The following CPXM2 variants were observed in gnomAD, a reference collection of about 807,000 sequenced individuals.
CPXM2 encodes the protein inactive carboxypeptidase-like protein X2.
Under a neutral mutation model 86.1 loss-of-function variants are expected in CPXM2, and 66 were observed. The ratio of observed to expected loss-of-function variants is 0.77; its 90% confidence interval spans 0.63 to 0.94. The LOEUF is 0.94. CPXM2 is among the 40% of genes least tolerant of loss of function. The pLI is 0.00. For synonymous variants in CPXM2, 388 were observed against 400.2 expected, an observed-to-expected ratio of 0.97 and a Z score of 0.36; for missense variants, 948 against 1,026.3, an observed-to-expected ratio of 0.92 and a Z score of 1.04.
At position 123,885,720 on chromosome 10, in the gene CPXM2, G is replaced by C. The variant is rs1945169019; in HGVS notation, c.305-5411C>G. On this transcript the variant is annotated intron_variant, in intron 1 of 13. Transcript: ENST00000241305. This position sits in a 1 kb window ranked among gnomAD's most constrained non-coding sequence, Gnocchi z 4.0. The stretch of plus-strand genomic sequence containing the variant: ...GGGCCTGAGAGGGCCACAGAGGGCA[G>C]AGCCATTGCTGGAGATGCCAAGCCT... Among the ~76,000 whole-genome samples, 1 of 152,190 alleles carries C rather than the reference G, an allele frequency of 6.6e-6. No individual in the cohort carries two copies. The highest frequency in any genetic ancestry group is 1.5e-5 in the Non-Finnish European group (1 of 68,034).
intron 4 of CPXM2, among the ~76,000 whole-genome samples, chr10:123,813,143 T>C (rs1003483008): frequency 2.0e-5 from 3 of 152,186 alleles, no homozygotes; most frequent in African/African-American, 7.2e-5. Flanking sequence ...AGATGTTTTA[T>C]AAGTAAAAAA....
At chr10:123,751,078 G>C in intron 13 of CPXM2, 1 of 984,988 alleles carries the variant, frequency 1.0e-6, no homozygotes, top group Non-Finnish European at 1.2e-6. Context: ...TGCGTGCCAA[G>C]CCTGTCCCGC....
chr10:123,928,011 G>A (rs1945638752), intron 2 of CPXM2, among the ~76,000 whole-genome samples: 1 of 152,092 alleles, frequency 6.6e-6, no homozygotes, highest in African/African-American at 2.4e-5. Context: ...GCCTATTCAT[G>A]AGTGTCAATG....
rs1206526567 is a variant in CPXM2, at chr10:123,754,513, T to C, written c.2017+150A>G. 5 of 608,680 alleles carry C rather than the reference T, an allele frequency of 8.2e-6. No individual in the cohort carries two copies. The highest frequency in any genetic ancestry group is 1.5e-5 in the Non-Finnish European group (5 of 334,134). 37.7% of individuals were successfully genotyped at this position (608,680 alleles called of 1,614,324 possible). A position where few individuals can be genotyped will look rare whatever the true frequency, so the allele number is the denominator to read the frequency against. ...TGAAAACCTCCCTTCCAAGGGTCTC[T>C]TGAAAAGTGGGAAATTTAGAGGAAG... On this transcript the variant is annotated intron_variant, in intron 13 of 13. Transcript: ENST00000241305. This position sits in a 1 kb window ranked among gnomAD's most constrained non-coding sequence, Gnocchi z 4.0.
At chr10:123,924,083 CTT>C (rs1005601625) in intron 2 of CPXM2, among the ~76,000 whole-genome samples, 1 of 152,176 alleles carries the variant, frequency 6.6e-6, no homozygotes, top group Non-Finnish European at 1.5e-5. Context: ...GAAAAACACT[CTT>C]TTTCTTTCTA....
At chr10:123,766,818 G>A (rs895505015) in intron 10 of CPXM2, among the ~76,000 whole-genome samples, 155 bp downstream of exon 10, 3 of 152,136 alleles carry the variant, frequency 2.0e-5, no homozygotes, top group Non-Finnish European at 4.4e-5. Flanking sequence ...CACCTAAAAG[G>A]TAGTTATTAT....
At position 123,754,702 on chromosome 10, in the gene CPXM2, T is replaced by C. The variant is rs756148801; in HGVS notation, c.1978A>G (p.Ile660Val). 8 of 1,610,120 alleles carry C rather than the reference T, an allele frequency of 5.0e-6. No homozygotes were observed. The South Asian group carries it at 7.7e-5, about 15-fold the overall frequency. ...TGGTTAATGCCTTCTACGGAGATAA[T>C]GGCGTTTGGGATTCCTTTTCCATGT... ...DSHGKGIPNA[I>V]ISVEGINHDI... is the part of the protein sequence containing the mutation. The change falls in exon 13 of 14, where the codon ATT becomes GTT. Residue 660 changes from isoleucine to valine, a missense_variant. Coordinates refer to ENST00000241305, the MANE Select transcript of CPXM2 (RefSeq NM_198148.3). This position sits in a 1 kb window ranked among gnomAD's most constrained non-coding sequence, Gnocchi z 4.0.
At chr10:123,805,284 A>G (rs1169025466) in intron 4 of CPXM2, among the ~76,000 whole-genome samples, 1 of 152,018 alleles carries the variant, frequency 6.6e-6, no homozygotes, top group Non-Finnish European at 1.5e-5. Flanking sequence ...TTCTTTTTAT[A>G]TAGCTTCTTG....
intron 12 of CPXM2, among the ~76,000 whole-genome samples, chr10:123,755,066 T>C (rs889666464): frequency 6.6e-6 from 1 of 152,230 alleles, no homozygotes; most frequent in African/African-American, 2.4e-5. Flanking sequence ...GATACTTTTA[T>C]AAGGGGAGGG....
chr10:123,902,581 G>A (rs932093330), intron 2 of CPXM2, among the ~76,000 whole-genome samples: 1 of 152,164 alleles, frequency 6.6e-6, no homozygotes, highest in African/African-American at 2.4e-5. Context: ...TCGGAGTCTG[G>A]TGAGGGCCCA....
intron 3 of CPXM2, among the ~76,000 whole-genome samples, chr10:123,859,087 A>T (rs1848800605): frequency 1.3e-5 from 2 of 152,182 alleles, no homozygotes; most frequent in Admixed American, 1.3e-4. Context: ...GACCACAGCC[A>T]CATCTGCGCC....
At chr10:123,806,945 T>C (rs773221934) in intron 4 of CPXM2, among the ~76,000 whole-genome samples, 1 of 152,156 alleles carries the variant, frequency 6.6e-6, no homozygotes, top group Non-Finnish European at 1.5e-5. Context: ...AAGACCAAAC[T>C]GAAATTCTAG....
Position 123,746,754 on chromosome 10 carries a change from C to T in CPXM2, c.*10G>A. The T allele has an allele frequency of 6.2e-7, 1 of 1,613,570 alleles. No individual in the cohort carries two copies. Among genetic ancestry groups the T allele is most frequent in the African/African-American group, 1.3e-5 (1 of 75,058 alleles). On this transcript the variant is annotated 3_prime_UTR_variant, in exon 14 of 14. Transcript: ENST00000241305. ...ATGGGTCCCAGACGAGTCTCAAGGG[C>T]CCAGGAGGGTCACCCACGCTGTCGT...
At chr10:123,849,437 C>CTTT (rs11317738) in intron 3 of CPXM2, among the ~76,000 whole-genome samples, 10 of 110,168 alleles carry the variant, frequency 9.1e-5, no homozygotes, top group Non-Finnish European at 1.4e-4. Flanking sequence ...AACGTTCACT[C>CTTT]TTTTTTTTTT....
chr10:123,911,760 T>A (rs1283079520), intron 2 of CPXM2, among the ~76,000 whole-genome samples: 2 of 151,976 alleles, frequency 1.3e-5, no homozygotes, highest in African/African-American at 4.8e-5. Context: ...GGGCTCTGAT[T>A]ACAGGTGCCA....
At position 123,891,673 on chromosome 10, in the gene CPXM2, C is replaced by T; in HGVS notation, c.-14G>A. On this transcript the variant is annotated 5_prime_UTR_variant, in exon 1 of 14. Transcript: ENST00000241305. This position sits in a 1 kb window ranked among gnomAD's most constrained non-coding sequence, Gnocchi z 5.6. Reference sequence around the variant, plus strand: ...CGGGCGGGACATGCCTGCTCCGCCCCGCGCCCAGGGCAGGGTCACGGTCAC... The same window carrying T: ...CGGGCGGGACATGCCTGCTCCGCCCTGCGCCCAGGGCAGGGTCACGGTCAC... The T allele has an allele frequency of 2.2e-6, 3 of 1,372,014 alleles. No homozygotes were observed. The highest frequency in any genetic ancestry group is 3.8e-5 in the Admixed American group (1 of 26,104). 85.0% of individuals were successfully genotyped at this position (1,372,014 alleles called of 1,614,324 possible). A position where few individuals can be genotyped will look rare whatever the true frequency, so the allele number is the denominator to read the frequency against.
At chr10:123,770,796 A>C (rs567596985) in intron 8 of CPXM2, 120 bp downstream of exon 8, 5 of 1,027,110 alleles carry the variant, frequency 4.9e-6, no homozygotes, top group Admixed American at 4.8e-5. Context: ...GTGAGACAGC[A>C]GTGGTGTGGA....
intron 7 of CPXM2, among the ~76,000 whole-genome samples, chr10:123,778,643 T>C (rs561014662): frequency 6.6e-6 from 1 of 152,346 alleles, no homozygotes; most frequent in African/African-American, 2.4e-5. Context: ...CTCTGTGCAA[T>C]TCACTCATTT....
At chr10:123,783,784 A>C (rs896577852) in intron 6 of CPXM2, among the ~76,000 whole-genome samples, 22 of 152,190 alleles carry the variant, frequency 1.4e-4, no homozygotes, top group African/African-American at 5.3e-4. Context: ...ATTCAGGCTG[A>C]TCCAGTCTAT....
Sources: gnomAD v4.1 joint callset for allele counts (sites outside exome capture counted in the v4.1 genomes callset) on GRCh38, gnomAD v4.1.1 for gene constraint, Gnocchi (gnomAD v3.1) non-coding constraint, MANE v1.5 for transcripts, NCBI Gene and HGNC (gene_info 2026-07-23, HGNC 2026-07-21) for gene names.